The following CHRM2 variants were observed in gnomAD, a reference collection of about 807,000 sequenced individuals.
The protein encoded by CHRM2 is muscarinic acetylcholine receptor M2.
In CHRM2, 8 loss-of-function variants were observed where a neutral mutation model predicts 25.0. The ratio of observed to expected loss-of-function variants is 0.32; its 90% confidence interval spans 0.19 to 0.58. CHRM2 has a LOEUF of 0.58. Ranked by LOEUF, CHRM2 falls within the 20% of genes least tolerant of loss-of-function variation. The pLI is 0.88. For missense variants in CHRM2, 440 were observed against 567.1 expected (o/e 0.78, Z 2.28); for synonymous variants, 202 against 205.7 (o/e 0.98, Z 0.15).
chr7:136,948,299 G>A (rs1471716123), intron 2 of CHRM2, among the ~76,000 whole-genome samples: 1 of 151,962 alleles, frequency 6.6e-6, no homozygotes, highest in African/African-American at 2.4e-5. Flanking sequence ...TTGAGATGTT[G>A]GAAGAAAGAA....
chr7:136,951,345 G>T (rs564831719), intron 2 of CHRM2, among the ~76,000 whole-genome samples: 1 of 152,172 alleles, frequency 6.6e-6, no homozygotes, highest in East Asian at 1.9e-4. Flanking sequence ...AAAGGTGGGG[G>T]TGAATGTAGA....
chr7:136,945,121 G>C (rs545111398), intron 2 of CHRM2, among the ~76,000 whole-genome samples: 20 of 151,652 alleles, frequency 1.3e-4, no homozygotes, highest in African/African-American at 4.8e-4. Context: ...TATAGATTCT[G>C]GATATTAGTC....
intron 2 of CHRM2, among the ~76,000 whole-genome samples, chr7:136,880,879 G>C (rs557858106): frequency 2.7e-4 from 41 of 151,760 alleles, no homozygotes; most frequent in Non-Finnish European, 4.7e-4. Context: ...CCTAAGTGTA[G>C]TACTTCTCCT....
At chr7:136,963,363 C>T (rs2130902236) in intron 2 of CHRM2, among the ~76,000 whole-genome samples, 1 of 152,272 alleles carries the variant, frequency 6.6e-6, no homozygotes, top group African/African-American at 2.4e-5. Flanking sequence ...TTAAAGAAGA[C>T]ATGATCTCTG....
chr7:136,873,063 TTGC>T (rs1795901804), intron 2 of CHRM2, among the ~76,000 whole-genome samples: 1 of 152,198 alleles, frequency 6.6e-6, no homozygotes, highest in Non-Finnish European at 1.5e-5. Flanking sequence ...TATATTTGAC[TTGC>T]TTGAGATTTT....
intron 2 of CHRM2, among the ~76,000 whole-genome samples, chr7:136,966,661 T>C (rs1801433510): frequency 6.6e-6 from 1 of 151,916 alleles, no homozygotes; most frequent in South Asian, 2.1e-4. Flanking sequence ...TAAAAATATC[T>C]GTGTTTTTAA....
At chr7:136,968,681 C>G (rs1471414441) in intron 2 of CHRM2, among the ~76,000 whole-genome samples, 5 of 144,606 alleles carry the variant, frequency 3.5e-5, no homozygotes, top group Non-Finnish European at 6.0e-5. Flanking sequence ...ATTGTATATA[C>G]CATATGTATA....
chr7:136,890,599 A>G (rs1456519328), intron 2 of CHRM2, among the ~76,000 whole-genome samples: 3 of 152,222 alleles, frequency 2.0e-5, no homozygotes, highest in Non-Finnish European at 4.4e-5. Flanking sequence ...TTATCCTGAC[A>G]GCCAGAAACC....
At chr7:137,008,410 C>T (rs1273939535) in intron 3 of CHRM2, among the ~76,000 whole-genome samples, 4 of 152,018 alleles carry the variant, frequency 2.6e-5, no homozygotes, top group Non-Finnish European at 5.9e-5. Flanking sequence ...ACTTGTAATT[C>T]TCTAAAGACA....
chr7:136,911,049 G>A (rs1797816913), intron 2 of CHRM2, among the ~76,000 whole-genome samples: 1 of 151,822 alleles, frequency 6.6e-6, no homozygotes, highest in South Asian at 2.1e-4. Flanking sequence ...AATAGGCTTA[G>A]TTTAAGAGAA....
Position 137,011,215 on chromosome 7 carries a change from G to GTGTGTGTGTGTGTGTATATATATATATA in CHRM2, c.-46-3604_-46-3603insGTGTGTGTGTGTGTATATATATATATAT. Among the ~76,000 whole-genome samples the GTGTGTGTGTGTGTGTATATATATATATA allele has an allele frequency of 1.6e-4, 22 of 134,328 alleles. 1 individual carries two copies. The East Asian group carries it at 1.8e-3, about 11-fold the overall frequency. 88.1% of individuals were successfully genotyped at this position (134,328 alleles called of 152,430 possible). A position where few individuals can be genotyped will look rare whatever the true frequency, so the allele number is the denominator to read the frequency against. On this transcript the variant is annotated intron_variant, in intron 3 of 3. Coordinates refer to ENST00000680005, the MANE Select transcript of CHRM2 (RefSeq NM_001006630.2). ...TGTACGTGTGTGTGTGTGTGTGTGT[G>GTGTGTGTGTGTGTGTATATATATATATA]TATATATATATATATATATGGATTT...
intron 2 of CHRM2, among the ~76,000 whole-genome samples, chr7:136,972,613 G>A (rs1339373165): frequency 6.6e-6 from 1 of 152,196 alleles, no homozygotes; most frequent in Non-Finnish European, 1.5e-5. Context: ...GAATGAATTA[G>A]GTTGGATTTT....
intron 2 of CHRM2, among the ~76,000 whole-genome samples, chr7:136,908,348 C>T (rs1391141019): frequency 6.6e-6 from 1 of 151,930 alleles, no homozygotes; most frequent in Non-Finnish European, 1.5e-5. Context: ...GCAATACCAC[C>T]TCAATACTTT....
chr7:136,966,723 T>C (rs889729758), intron 2 of CHRM2, among the ~76,000 whole-genome samples: 4 of 151,852 alleles, frequency 2.6e-5, no homozygotes, highest in Non-Finnish European at 5.9e-5. Flanking sequence ...CTTTTTTTTT[T>C]TACATAGTAC....
chr7:137,006,170 A>G (rs1345626251), intron 3 of CHRM2, among the ~76,000 whole-genome samples: 1 of 152,178 alleles, frequency 6.6e-6, no homozygotes, highest in African/African-American at 2.4e-5. Context: ...TGGATGCAGA[A>G]GTCCTCTCTC....
At chr7:137,007,676 T>C (rs1371239807) in intron 3 of CHRM2, among the ~76,000 whole-genome samples, 1 of 152,150 alleles carries the variant, frequency 6.6e-6, no homozygotes, top group African/African-American at 2.4e-5. Flanking sequence ...CTAGCAGGGC[T>C]GGACTGTCTC....
chr7:136,951,166 C>A (rs1800392192), intron 2 of CHRM2: 2 of 152,052 alleles, frequency 1.3e-5, no homozygotes, highest in African/African-American at 2.4e-5. Flanking sequence ...TGCATAAGAC[C>A]ATGTGGAATA....
intron 2 of CHRM2, among the ~76,000 whole-genome samples, chr7:136,940,902 TG>T (rs1799734089): frequency 6.6e-6 from 1 of 152,170 alleles, no homozygotes; most frequent in South Asian, 2.1e-4. Flanking sequence ...CTGTCACAAC[TG>T]GGGACATTTA....
At chr7:136,987,857 C>T (rs951746136) in intron 2 of CHRM2, among the ~76,000 whole-genome samples, 6 of 152,100 alleles carry the variant, frequency 3.9e-5, no homozygotes, top group Non-Finnish European at 7.4e-5. Flanking sequence ...TATAACACTC[C>T]TTATTGATCC....
Sources: allele counts gnomAD v4.1 joint callset (sites outside exome capture counted in the v4.1 genomes callset), GRCh38; gene constraint gnomAD v4.1.1; transcripts MANE v1.5; gene names NCBI Gene and HGNC (gene_info 2026-07-23, HGNC 2026-07-21).